MITF: variants seen among roughly 807,000 people sequenced by gnomAD.
The protein encoded by MITF is microphthalmia-associated transcription factor.
In MITF, 17 loss-of-function variants were observed where a neutral mutation model predicts 60.5. That is an observed-to-expected ratio of 0.28 (90% CI 0.19 to 0.42). The LOEUF is 0.42. MITF is among the 10% of genes least tolerant of loss of function. The pLI is 1.00. For missense variants in MITF, 622 were observed against 683.5 expected (o/e 0.91, Z 1.00); for synonymous variants, 260 against 248.5 (o/e 1.05, Z -0.43).
chr3:69,859,652 G>T (rs777269748), intron 1 of MITF, among the ~76,000 whole-genome samples: 1 of 151,930 alleles, frequency 6.6e-6, no homozygotes, highest in African/African-American at 2.4e-5. Context: ...CTCCTGCTTG[G>T]AAGAAGAAAG....
rs185445527 is a variant in MITF at position 69,914,376 on chromosome 3, C to G, written c.355-23446C>G. On this transcript the variant is annotated intron_variant, in intron 2 of 9. Transcript: ENST00000352241. Reference sequence around the variant, plus strand: ...ACCTCAGGTGATCCGCCTCCCTCGGCCTCCCAAAGTGCTGGGATTACAGGC... The same window carrying G: ...ACCTCAGGTGATCCGCCTCCCTCGGGCTCCCAAAGTGCTGGGATTACAGGC... Among the ~76,000 whole-genome samples the G allele has an allele frequency of 3.0e-4, 45 of 152,306 alleles. No individual in the cohort carries two copies. In the East Asian group the frequency reaches 8.3e-3, roughly 28 times the overall value.
chr3:69,922,612 T>G (rs2065493425), intron 2 of MITF, among the ~76,000 whole-genome samples: 1 of 152,182 alleles, frequency 6.6e-6, no homozygotes, highest in Non-Finnish European at 1.5e-5. Flanking sequence ...TTCTTCCCGT[T>G]TTTGTTACTG....
chr3:69,776,024 C>T (rs144472539), intron 1 of MITF, among the ~76,000 whole-genome samples: 1 of 152,194 alleles, frequency 6.6e-6, no homozygotes, highest in East Asian at 1.9e-4. Flanking sequence ...AATAGTCACA[C>T]CCTAAATTAT....
chr3:69,949,526 G>T lies in MITF; in HGVS notation c.880+358G>T, dbSNP rs150770565. Reference sequence around the variant, plus strand: ...TACCTGATATGTATGTTTCTAACAAGCCCCTAGAGGCATTTGCATTTGAGA... The same window carrying T: ...TACCTGATATGTATGTTTCTAACAATCCCCTAGAGGCATTTGCATTTGAGA... On this transcript the variant is annotated intron_variant, in intron 6 of 9. Transcript: ENST00000352241. 2.3e-3 allele frequency among the ~76,000 whole-genome samples: 344 copies of T among 152,152 alleles called. 2 individuals carry two copies. Among genetic ancestry groups the T allele is most frequent in the African/African-American group, 8.0e-3 (333 of 41,508 alleles).
intron 2 of MITF, among the ~76,000 whole-genome samples, chr3:69,912,291 A>T (rs958657789): frequency 2.6e-5 from 4 of 152,190 alleles, no homozygotes; most frequent in Non-Finnish European, 5.9e-5. Flanking sequence ...CAGGGAACTT[A>T]TGGGGCTTAT....
At chr3:69,906,505 T>A (rs2065103239) in intron 2 of MITF, among the ~76,000 whole-genome samples, 1 of 152,200 alleles carries the variant, frequency 6.6e-6, no homozygotes. Flanking sequence ...GGTTAATAAG[T>A]GCCATGATTT....
At chr3:69,754,966 A>G (rs1704078400) in intron 1 of MITF, among the ~76,000 whole-genome samples, 1 of 152,076 alleles carries the variant, frequency 6.6e-6, no homozygotes, top group African/African-American at 2.4e-5. Flanking sequence ...GGAGGAGGCT[A>G]AGGGAGGGAG....
At chr3:69,775,363 C>T (rs1386527050) in intron 1 of MITF, among the ~76,000 whole-genome samples, 3 of 152,132 alleles carry the variant, frequency 2.0e-5, no homozygotes, top group Non-Finnish European at 4.4e-5. Context: ...TGTGAAATGT[C>T]TCTGCCTGTC....
intron 1 of MITF, among the ~76,000 whole-genome samples, chr3:69,795,820 T>C (rs1207810825): frequency 6.6e-6 from 1 of 152,196 alleles, no homozygotes; most frequent in Non-Finnish European, 1.5e-5. Context: ...CAATCTAATT[T>C]CAAAGGCACG....
intron 1 of MITF, among the ~76,000 whole-genome samples, chr3:69,872,075 G>A (rs1032437039): frequency 3.4e-4 from 52 of 152,124 alleles, no homozygotes; most frequent in Non-Finnish European, 6.5e-4. Flanking sequence ...AAACTTGAGT[G>A]TGGGGCACTT....
chr3:69,899,359 G>A (rs2064946851), intron 2 of MITF, among the ~76,000 whole-genome samples: 1 of 152,186 alleles, frequency 6.6e-6, no homozygotes, highest in African/African-American at 2.4e-5. Context: ...TAGGGTTTAA[G>A]CTCCCAGGAC....
chr3:69,868,853 C>T (rs1055451098), intron 1 of MITF, among the ~76,000 whole-genome samples: 3 of 149,758 alleles, frequency 2.0e-5, no homozygotes, highest in African/African-American at 5.0e-5. Context: ...AAGCCAAGAT[C>T]GCACCACTGC....
intron 7 of MITF, among the ~76,000 whole-genome samples, chr3:69,953,662 TAGAG>T (rs776961961): frequency 1.8e-3 from 239 of 136,556 alleles, no homozygotes; most frequent in South Asian, 1.7e-3. Flanking sequence ...TATATATATA[TAGAG>T]AGAGAGAGAG....
chr3:69,900,788 A>T (rs994766409), intron 2 of MITF, among the ~76,000 whole-genome samples: 17 of 152,232 alleles, frequency 1.1e-4, no homozygotes, highest in Admixed American at 9.8e-4. Flanking sequence ...CTCAATCAGG[A>T]AAAATGAGGT....
chr3:69,897,568 C>T (rs1430915879), intron 2 of MITF, among the ~76,000 whole-genome samples: 3 of 152,244 alleles, frequency 2.0e-5, no homozygotes, highest in South Asian at 4.2e-4. Context: ...TCTTTGGTTC[C>T]TTTCACACTA....
At chr3:69,884,469 C>G (rs1033028483) in intron 2 of MITF, among the ~76,000 whole-genome samples, 1 of 152,152 alleles carries the variant, frequency 6.6e-6, no homozygotes, top group African/African-American at 2.4e-5. Context: ...TCAAGGTCCA[C>G]TCTTCCCTAT....
chr3:69,925,535 A>G (rs959720030), intron 2 of MITF, among the ~76,000 whole-genome samples: 2 of 152,218 alleles, frequency 1.3e-5, no homozygotes, highest in Non-Finnish European at 2.9e-5. Flanking sequence ...AGCCAAGGGC[A>G]TTTTCAAAGT....
intron 1 of MITF, among the ~76,000 whole-genome samples, chr3:69,771,688 T>G (rs1205642469): frequency 6.6e-6 from 1 of 152,226 alleles, no homozygotes; most frequent in African/African-American, 2.4e-5. Context: ...GTTTTCCTTT[T>G]TTGTTTTTTT....
intron 2 of MITF, among the ~76,000 whole-genome samples, chr3:69,915,782 T>C (rs2065321139): frequency 6.6e-6 from 1 of 152,204 alleles, no homozygotes; most frequent in African/African-American, 2.4e-5. Context: ...TCTCTGTTTC[T>C]ATTGCACCAA....
Sources: gnomAD v4.1 joint callset for allele counts (sites outside exome capture counted in the v4.1 genomes callset) on GRCh38, gnomAD v4.1.1 for gene constraint, MANE v1.5 for transcripts, NCBI Gene and HGNC (gene_info 2026-07-23, HGNC 2026-07-21) for gene names.